The following CAMTA1 variants were observed in gnomAD, a reference collection of about 807,000 sequenced individuals.
CAMTA1 encodes the protein calmodulin-binding transcription activator 1.
In CAMTA1, 27 loss-of-function variants were observed where a neutral mutation model predicts 170.9. The observed-to-expected ratio is 0.16, with a 90% confidence interval of 0.12 to 0.22. CAMTA1 has a LOEUF of 0.22. CAMTA1 is among the 10% of genes least tolerant of loss of function. The probability of loss-of-function intolerance (pLI) is 1.00; values close to 1 mark genes in which losing one functional copy is unlikely to be tolerated. For synonymous variants in CAMTA1, 833 were observed against 891.5 expected (o/e 0.93, Z 1.17); for missense variants, 1,619 against 2,217.2 (o/e 0.73, Z 5.42).
At chr1:7,488,236 C>T (rs1172151669) in intron 6 of CAMTA1, among the ~76,000 whole-genome samples, 1 of 152,208 alleles carries the variant, frequency 6.6e-6, no homozygotes, top group Non-Finnish European at 1.5e-5. Context: ...TTTCCAGCAG[C>T]AGCGCCTGGA....
At chr1:7,351,054 C>T (rs2084632404) in intron 5 of CAMTA1, among the ~76,000 whole-genome samples, 1 of 152,208 alleles carries the variant, frequency 6.6e-6, no homozygotes, top group Admixed American at 6.5e-5. Context: ...ACTCTGAGGT[C>T]CCTCCTGAGC....
At chr1:7,707,707 A>G (rs2096537636) in intron 11 of CAMTA1, among the ~76,000 whole-genome samples, 1 of 152,216 alleles carries the variant, frequency 6.6e-6, no homozygotes, top group African/African-American at 2.4e-5. Context: ...ATTAAAAACC[A>G]CAAGTTAGTA....
intron 5 of CAMTA1, among the ~76,000 whole-genome samples, chr1:7,440,395 C>T (rs1408493906): frequency 2.6e-5 from 4 of 152,244 alleles, no homozygotes; most frequent in Non-Finnish European, 4.4e-5. Context: ...GAGGCCTGGC[C>T]GGGCCAGACA....
chr1:7,105,708 T>G (rs745685930), intron 4 of CAMTA1, among the ~76,000 whole-genome samples: 5 of 152,178 alleles, frequency 3.3e-5, no homozygotes, highest in African/African-American at 1.2e-4. Context: ...TTTGGGAGAC[T>G]GAAGTGGGCA....
chr1:6,995,922 C>T (rs907436444), intron 3 of CAMTA1, among the ~76,000 whole-genome samples: 1 of 152,214 alleles, frequency 6.6e-6, no homozygotes, highest in South Asian at 2.1e-4. Context: ...AAGGGGCTGT[C>T]TCTTGCTGCC....
At chr1:6,951,538 C>T (rs779874819) in intron 3 of CAMTA1, among the ~76,000 whole-genome samples, 6 of 152,286 alleles carry the variant, frequency 3.9e-5, no homozygotes, top group South Asian at 2.1e-4. Flanking sequence ...TTATAAGAAG[C>T]GTCTTTATCC....
At chr1:7,074,197 A>T (rs975359348) in intron 3 of CAMTA1, among the ~76,000 whole-genome samples, 1 of 152,192 alleles carries the variant, frequency 6.6e-6, no homozygotes, top group Non-Finnish European at 1.5e-5. Flanking sequence ...TGACAGAAAG[A>T]TCAGAAAGTC....
chr1:6,817,053 A>T (rs1645907422), intron 1 of CAMTA1, among the ~76,000 whole-genome samples: 3 of 152,066 alleles, frequency 2.0e-5, no homozygotes, highest in Admixed American at 2.0e-4. Context: ...GTTTTTGTCT[A>T]TGATATTTCT....
chr1:7,327,773 C>G (rs958411967), intron 5 of CAMTA1, among the ~76,000 whole-genome samples: 1 of 152,156 alleles, frequency 6.6e-6, no homozygotes, highest in Non-Finnish European at 1.5e-5. Flanking sequence ...TCAGACCTTC[C>G]TTCTGGGATC....
chr1:6,973,379 T>A (rs1042257808), intron 3 of CAMTA1, among the ~76,000 whole-genome samples: 1 of 152,208 alleles, frequency 6.6e-6, no homozygotes, highest in African/African-American at 2.4e-5. Context: ...ATGCAGCATT[T>A]GTCCTTCTGT....
intron 3 of CAMTA1, among the ~76,000 whole-genome samples, chr1:6,904,306 A>T (rs1052893279): frequency 2.6e-5 from 4 of 152,172 alleles, no homozygotes; most frequent in African/African-American, 7.2e-5. Context: ...TTTTCTTGAA[A>T]GGAGACCTGT....
intron 6 of CAMTA1, among the ~76,000 whole-genome samples, chr1:7,552,258 A>G (rs1469177693): frequency 6.6e-6 from 1 of 152,212 alleles, no homozygotes; most frequent in African/African-American, 2.4e-5. Flanking sequence ...AAGAGGCTGC[A>G]TCTCTGGACC....
chr1:6,867,813 TC>T (rs1033693163), intron 3 of CAMTA1, among the ~76,000 whole-genome samples: 1 of 152,116 alleles, frequency 6.6e-6, no homozygotes, highest in African/African-American at 2.4e-5. Flanking sequence ...TTCTTTTTTT[TC>T]CCTCCCCCAG....
chr1:7,729,899 AG>A (rs1195319459), intron 11 of CAMTA1, among the ~76,000 whole-genome samples: 1 of 152,264 alleles, frequency 6.6e-6, no homozygotes, highest in East Asian at 1.9e-4. Context: ...ATTTATAGTC[AG>A]GATGGTAAGG....
intron 5 of CAMTA1, among the ~76,000 whole-genome samples, chr1:7,415,071 G>T (rs898779103): frequency 1.3e-5 from 2 of 152,174 alleles, no homozygotes; most frequent in African/African-American, 4.8e-5. Context: ...GAGCAGTTTT[G>T]AGTGAGTTTC....
chr1:6,797,301 T>C (rs551698594), intron 1 of CAMTA1, among the ~76,000 whole-genome samples: 12 of 151,998 alleles, frequency 7.9e-5, no homozygotes, highest in Non-Finnish European at 1.8e-4. Flanking sequence ...GCTCAAGTGA[T>C]CCTCCTGCAT....
At chr1:6,952,926 C>G (rs1478583269) in intron 3 of CAMTA1, among the ~76,000 whole-genome samples, 4 of 152,110 alleles carry the variant, frequency 2.6e-5, no homozygotes, top group Non-Finnish European at 5.9e-5. Context: ...ACAGGGATCC[C>G]CCGGATCTCA....
At chr1:7,211,645 C>A (rs1658779597) in intron 4 of CAMTA1, among the ~76,000 whole-genome samples, 1 of 152,174 alleles carries the variant, frequency 6.6e-6, no homozygotes, top group Admixed American at 6.5e-5. Flanking sequence ...CCAAGGTCGC[C>A]TTCCACTTCC....
At chr1:7,307,367 G>C (rs184594716) in intron 5 of CAMTA1, among the ~76,000 whole-genome samples, 1 of 151,194 alleles carries the variant, frequency 6.6e-6, no homozygotes, top group Admixed American at 6.6e-5. Context: ...AGAATTTTTT[G>C]TGTGGGCAAT....
Sources: gnomAD v4.1 joint callset for allele counts (sites outside exome capture counted in the v4.1 genomes callset) on GRCh38, gnomAD v4.1.1 for gene constraint, MANE v1.5 for transcripts, NCBI Gene and HGNC (gene_info 2026-07-23, HGNC 2026-07-21) for gene names.